The following RAB27B variants were observed in gnomAD, a reference collection of about 807,000 sequenced individuals.
RAB27B encodes the protein RAB27B, member RAS oncogene family, also known as ras-related protein Rab-27B.
Under a neutral mutation model 24.6 loss-of-function variants are expected in RAB27B, and 15 were observed. The observed-to-expected ratio is 0.61, with a 90% CI of 0.41 to 0.94. The LOEUF (loss-of-function observed/expected upper bound fraction) is 0.94, where lower values mean the gene tolerates loss of function less well. Ranked by LOEUF, RAB27B falls within the 40% of genes least tolerant of loss-of-function variation. The pLI, the probability that RAB27B is intolerant of heterozygous loss-of-function variation, is 0.00. For missense variants in RAB27B, 261 were observed against 266.8 expected (o/e 0.98, Z 0.15); for synonymous variants, 105 against 92.5 (o/e 1.14, Z -0.78).
At chr18:54,771,143 C>A (rs1908535044) in intron 2 of RAB27B, among the ~76,000 whole-genome samples, 1 of 152,120 alleles carries the variant, frequency 6.6e-6, no homozygotes, top group Non-Finnish European at 1.5e-5. Context: ...AAAATGCTGA[C>A]TTCTGGCTAA....
chr18:54,814,996 C>A (rs1051688067), intron 2 of RAB27B, among the ~76,000 whole-genome samples: 6 of 152,088 alleles, frequency 3.9e-5, no homozygotes, highest in Non-Finnish European at 7.4e-5. Flanking sequence ...CCAACCCCAC[C>A]CTAAGAAGTC....
chr18:54,852,109 T>G (rs1911611472), intron 1 of RAB27B, among the ~76,000 whole-genome samples: 1 of 152,130 alleles, frequency 6.6e-6, no homozygotes, highest in Non-Finnish European at 1.5e-5. Context: ...TATTAATGAG[T>G]TTTTGCAGTT....
chr18:54,829,765 G>A (rs1294747082), intron 1 of RAB27B, among the ~76,000 whole-genome samples: 6 of 152,178 alleles, frequency 3.9e-5, no homozygotes, highest in African/African-American at 1.4e-4. Flanking sequence ...TCAAGCTGCT[G>A]TAAAGTCCAT....
At chr18:54,866,408 G>T (rs1912229366) in intron 1 of RAB27B, among the ~76,000 whole-genome samples, 1 of 152,184 alleles carries the variant, frequency 6.6e-6, no homozygotes, top group South Asian at 2.1e-4. Context: ...CGACTCTCCT[G>T]CCTCACCCTC....
intron 2 of RAB27B, among the ~76,000 whole-genome samples, chr18:54,759,752 G>T (rs1437111652): frequency 6.6e-6 from 1 of 152,190 alleles, no homozygotes; most frequent in Non-Finnish European, 1.5e-5. Context: ...GAAGAGAAGA[G>T]AAGCAGCAGC....
At chr18:54,848,102 TTTGA>T (rs1404290205) in intron 1 of RAB27B, among the ~76,000 whole-genome samples, 2 of 152,226 alleles carry the variant, frequency 1.3e-5, no homozygotes, top group African/African-American at 4.8e-5. Flanking sequence ...GTTGGCTACA[TTTGA>T]TTGGCCAAAC....
chr18:54,866,912 T>C (rs778692345), intron 1 of RAB27B, among the ~76,000 whole-genome samples: 14 of 152,138 alleles, frequency 9.2e-5, no homozygotes, highest in Non-Finnish European at 1.5e-4. Flanking sequence ...GTACGGATCC[T>C]GGGCAGGGAG....
At chr18:54,812,844 A>T (rs1292581024) in intron 2 of RAB27B, among the ~76,000 whole-genome samples, 1 of 152,204 alleles carries the variant, frequency 6.6e-6, no homozygotes, top group Non-Finnish European at 1.5e-5. Flanking sequence ...TCTGTACACA[A>T]TATCTATACC....
chr18:54,849,873 T>C (rs774431341), intron 1 of RAB27B, among the ~76,000 whole-genome samples: 1 of 152,146 alleles, frequency 6.6e-6, no homozygotes, highest in Non-Finnish European at 1.5e-5. Flanking sequence ...GTGAAAATAG[T>C]ACTGGTTCCA....
chr18:54,750,805 A>T (rs1224638904), intron 2 of RAB27B, among the ~76,000 whole-genome samples: 4 of 152,238 alleles, frequency 2.6e-5, no homozygotes, highest in African/African-American at 9.6e-5. Context: ...AGAACCCATA[A>T]GTCAATGGAA....
intron 1 of RAB27B, among the ~76,000 whole-genome samples, chr18:54,861,912 C>T (rs767922987): frequency 2.0e-4 from 30 of 152,078 alleles, no homozygotes; most frequent in Non-Finnish European, 3.7e-4. Flanking sequence ...TCTGCTTCAT[C>T]GCATCACAAG....
At chr18:54,845,213 C>T (rs62091476) in intron 1 of RAB27B, among the ~76,000 whole-genome samples, 99,376 of 151,582 alleles carry the variant, frequency 0.66, 35,168 homozygotes, top group East Asian at 0.92. Context: ...TTGGAACCAG[C>T]CTGGCCAACA....
intron 2 of RAB27B, among the ~76,000 whole-genome samples, chr18:54,822,276 C>T (rs571190402): frequency 3.3e-5 from 5 of 151,940 alleles, no homozygotes; most frequent in Non-Finnish European, 7.4e-5. Context: ...AGTTTAGATG[C>T]CTGAAAAAAA....
chr18:54,815,855 C>T (rs541168634), intron 2 of RAB27B, among the ~76,000 whole-genome samples: 2 of 152,136 alleles, frequency 1.3e-5, no homozygotes, highest in South Asian at 4.2e-4. Flanking sequence ...AACTCCTGAC[C>T]TCAAGTGATC....
intron 2 of RAB27B, among the ~76,000 whole-genome samples, chr18:54,756,036 C>T (rs1426547366): frequency 6.6e-6 from 1 of 152,154 alleles, no homozygotes; most frequent in East Asian, 1.9e-4. Context: ...TTTCTATCTG[C>T]AGTTTATTTG....
rs960537144 is a variant in RAB27B at position 54,835,426 on chromosome 18, A to G, written c.-20+6726A>G. On this transcript the variant is annotated intron_variant, in intron 1 of 5. Transcript: ENST00000262094. ...ATGGAAACTGTAATTCCCAGTCCCT[A>G]TATCTATCCCTTTCTCACTCAATCT... Among the ~76,000 whole-genome samples, 5 of 151,958 alleles carry G rather than the reference A, an allele frequency of 3.3e-5. No homozygotes were observed. The South Asian group carries it at 6.2e-4, about 19-fold the overall frequency.
chr18:54,747,879 A>G (rs995995734), intron 2 of RAB27B, among the ~76,000 whole-genome samples: 1 of 152,148 alleles, frequency 6.6e-6, no homozygotes, highest in Non-Finnish European at 1.5e-5. Context: ...AGACCAAGGA[A>G]GGCAGGTCAC....
intron 2 of RAB27B, among the ~76,000 whole-genome samples, chr18:54,771,345 G>A (rs767633408): frequency 7.2e-5 from 11 of 152,088 alleles, no homozygotes; most frequent in Non-Finnish European, 1.0e-4. Flanking sequence ...GGAAGTTGAA[G>A]GATACGGAAG....
chr18:54,811,808 G>A (rs12965081), intron 2 of RAB27B, among the ~76,000 whole-genome samples: 34,710 of 152,084 alleles, frequency 0.23, 4,231 homozygotes, highest in East Asian at 0.4. Flanking sequence ...TCTTATTTAG[G>A]AATAAAATGG....
Sources: allele counts gnomAD v4.1 joint callset (sites outside exome capture counted in the v4.1 genomes callset), GRCh38; gene constraint gnomAD v4.1.1; transcripts MANE v1.5; gene names NCBI Gene and HGNC (gene_info 2026-07-23, HGNC 2026-07-21).